The following CDC42BPA variants were observed in gnomAD, a reference collection of about 807,000 sequenced individuals.
CDC42BPA encodes serine/threonine-protein kinase MRCK alpha.
In CDC42BPA, 80 loss-of-function variants were observed where a neutral mutation model predicts 223.5. The observed-to-expected ratio is 0.36, with a 90% CI of 0.30 to 0.43. The LOEUF (loss-of-function observed/expected upper bound fraction) is 0.43, where lower values mean the gene tolerates loss of function less well. CDC42BPA is among the 20% of genes least tolerant of loss of function. The pLI, the probability that CDC42BPA is intolerant of heterozygous loss-of-function variation, is 1.00. For missense variants in CDC42BPA, 1,743 were observed against 2,099.9 expected (o/e 0.83, Z 3.32); for synonymous variants, 694 against 718.6 (o/e 0.97, Z 0.55).
At chr1:227,042,751 G>C (rs1671640429) in intron 23 of CDC42BPA, among the ~76,000 whole-genome samples, 1 of 151,626 alleles carries the variant, frequency 6.6e-6, no homozygotes, top group African/African-American at 2.4e-5. Flanking sequence ...TGGAAGAAGA[G>C]AAAAAAATGA....
chr1:227,002,333 G>A (rs943528724), intron 35 of CDC42BPA, among the ~76,000 whole-genome samples: 3 of 152,008 alleles, frequency 2.0e-5, no homozygotes, highest in Non-Finnish European at 4.4e-5. Context: ...TAATAAAAGT[G>A]GTTGTCATTT....
chr1:227,312,665 T>A (rs1693721092), intron 1 of CDC42BPA, among the ~76,000 whole-genome samples: 1 of 152,082 alleles, frequency 6.6e-6, no homozygotes, highest in Non-Finnish European at 1.5e-5. Context: ...CCAGCCTAGG[T>A]AACACAGTAA....
At position 227,202,760 on chromosome 1, in the gene CDC42BPA, C is replaced by CAAAA. The variant is rs35609906; in HGVS notation, c.355-3112_355-3109dup. Among the ~76,000 whole-genome samples the CAAAA allele has an allele frequency of 1.2e-3, 134 of 114,346 alleles. 2 individuals are homozygous for CAAAA. Among genetic ancestry groups the CAAAA allele is most frequent in the South Asian group, 3.8e-3 (12 of 3,166 alleles). The allele number at this position is 114,346 out of a possible 152,430, so 75.0% of individuals were successfully genotyped here. On this transcript the variant is annotated intron_variant, in intron 3 of 36. Transcript: ENST00000366766. ...CATAGCAAGACCCTGTCTCTACAGG[C>CAAAA]AAAAAAAAAAAAAAAAAAATCAGCC...
At chr1:227,052,888 G>C (rs1198168113) in intron 21 of CDC42BPA, among the ~76,000 whole-genome samples, 4 of 152,142 alleles carry the variant, frequency 2.6e-5, no homozygotes, top group Non-Finnish European at 4.4e-5. Flanking sequence ...AAAGAGTCAG[G>C]TGCAGTTGAG....
chr1:227,169,281 T>C (rs747467783), intron 5 of CDC42BPA, among the ~76,000 whole-genome samples: 3 of 152,216 alleles, frequency 2.0e-5, no homozygotes, highest in Non-Finnish European at 2.9e-5. Context: ...CTCTTTTCTC[T>C]TGTAAAGGAG....
At chr1:227,039,334 T>C (rs1670911219) in intron 24 of CDC42BPA, among the ~76,000 whole-genome samples, 1 of 152,186 alleles carries the variant, frequency 6.6e-6, no homozygotes, top group South Asian at 2.1e-4. Context: ...AAAAAGTTTA[T>C]ATTGTTTATT....
chr1:227,223,570 G>A (rs759835970), intron 2 of CDC42BPA, among the ~76,000 whole-genome samples: 48 of 152,104 alleles, frequency 3.2e-4, no homozygotes, highest in Non-Finnish European at 8.8e-5. Context: ...AGAAACTGAA[G>A]AAATACTGAG....
chr1:227,240,499 T>A (rs1293255700), intron 2 of CDC42BPA, among the ~76,000 whole-genome samples: 2 of 152,088 alleles, frequency 1.3e-5, no homozygotes, highest in Non-Finnish European at 2.9e-5. Context: ...CAGAGTTCAT[T>A]ACACAATCTC....
chr1:227,317,852 G>C lies in CDC42BPA; in HGVS notation c.-670C>G. Reference sequence around the variant, plus strand: ...GAGGCGGCTTTTCGTTTCTCCTCCCGAGGTCCTTCTTTCTTTAAGGCTTTG... The same window carrying C: ...GAGGCGGCTTTTCGTTTCTCCTCCCCAGGTCCTTCTTTCTTTAAGGCTTTG... On this transcript the variant is annotated 5_prime_UTR_variant, in exon 1 of 37. Transcript: ENST00000366766. 1 of 398,714 alleles carries C rather than the reference G, an allele frequency of 2.5e-6. No homozygotes were observed. Among genetic ancestry groups the C allele is most frequent in the Non-Finnish European group, 4.4e-6 (1 of 226,110 alleles). 24.7% of individuals were successfully genotyped at this position (398,714 alleles called of 1,614,324 possible).
intron 5 of CDC42BPA, among the ~76,000 whole-genome samples, chr1:227,170,636 T>C (rs1312045900): frequency 6.6e-6 from 1 of 152,190 alleles, no homozygotes; most frequent in Admixed American, 6.5e-5. Flanking sequence ...TTTAAACAAC[T>C]GCCTGTGTTT....
intron 32 of CDC42BPA, among the ~76,000 whole-genome samples, chr1:227,021,333 G>A (rs1008455008): frequency 6.6e-6 from 1 of 152,146 alleles, no homozygotes; most frequent in Non-Finnish European, 1.5e-5. Context: ...ATGGGGGTAT[G>A]CCTGTATAAA....
At chr1:227,194,794 A>T (rs557360568) in intron 4 of CDC42BPA, among the ~76,000 whole-genome samples, 9 of 152,232 alleles carry the variant, frequency 5.9e-5, no homozygotes, top group Admixed American at 1.3e-4. Context: ...AGTCAGAGAA[A>T]CCTGTATTCA....
intron 21 of CDC42BPA, among the ~76,000 whole-genome samples, chr1:227,054,495 T>G (rs1424603339): frequency 6.6e-6 from 1 of 152,208 alleles, no homozygotes; most frequent in Non-Finnish European, 1.5e-5. Flanking sequence ...AAAGCAGGGC[T>G]TTCTCTAGTC....
intron 16 of CDC42BPA, among the ~76,000 whole-genome samples, chr1:227,081,880 AACC>A (rs1369004452): frequency 6.6e-6 from 1 of 152,222 alleles, no homozygotes; most frequent in Admixed American, 6.5e-5. Flanking sequence ...TTTAAAATAT[AACC>A]ACGATAGCAT....
At chr1:227,106,327 CT>C (rs1685918935) in intron 14 of CDC42BPA, among the ~76,000 whole-genome samples, 1 of 152,074 alleles carries the variant, frequency 6.6e-6, no homozygotes, top group Non-Finnish European at 1.5e-5. Context: ...TTCATATAAT[CT>C]GGATATTAAA....
At chr1:227,243,790 ACAC>A (rs1032557397) in intron 2 of CDC42BPA, among the ~76,000 whole-genome samples, 5 of 144,838 alleles carry the variant, frequency 3.5e-5, no homozygotes, top group African/African-American at 7.9e-5. Flanking sequence ...ACACACACAC[ACAC>A]GTGTGCACAT....
chr1:227,020,484 C>A (rs992046853), intron 32 of CDC42BPA, among the ~76,000 whole-genome samples: 1 of 152,210 alleles, frequency 6.6e-6, no homozygotes, highest in Non-Finnish European at 1.5e-5. Flanking sequence ...CTTGCTGTTT[C>A]ACCTTGCATT....
intron 12 of CDC42BPA, among the ~76,000 whole-genome samples, chr1:227,118,262 T>TA (rs1688083367): frequency 6.6e-6 from 1 of 152,166 alleles, no homozygotes. Flanking sequence ...GACATTTCTC[T>TA]AAGACGACAT....
At chr1:227,148,691 C>T (rs1190838009) in intron 6 of CDC42BPA, among the ~76,000 whole-genome samples, 4 of 137,288 alleles carry the variant, frequency 2.9e-5, no homozygotes, top group African/African-American at 1.1e-4. Context: ...GGTGTGAACC[C>T]GGGAGGCGGA....
Sources: gnomAD v4.1 joint callset for allele counts (sites outside exome capture counted in the v4.1 genomes callset) on GRCh38, gnomAD v4.1.1 for gene constraint, MANE v1.5 for transcripts, NCBI Gene and HGNC (gene_info 2026-07-23, HGNC 2026-07-21) for gene names.